VAT1L: variants seen among roughly 807,000 people sequenced by gnomAD.
VAT1L encodes the protein putative NADPH-dependent quinone oxidoreductase VAT1L.
A neutral mutation model predicts 44.1 loss-of-function variants in VAT1L; 34 were observed. The ratio of observed to expected loss-of-function variants is 0.77; its 90% CI spans 0.59 to 1.03. The LOEUF is 1.03. VAT1L is among the 50% of genes least tolerant of loss of function. The pLI, the probability that VAT1L is intolerant of heterozygous loss-of-function variation, is 0.00. For missense variants in VAT1L, 615 were observed against 538.8 expected, an observed-to-expected ratio of 1.14 and a Z score of -1.40; for synonymous variants, 253 against 202.2, an observed-to-expected ratio of 1.25 and a Z score of -2.13.
At chr16:77,844,032 C>G (rs184424307) in intron 3 of VAT1L, among the ~76,000 whole-genome samples, 2 of 152,326 alleles carry the variant, frequency 1.3e-5, no homozygotes, top group Admixed American at 1.3e-4. Flanking sequence ...ACAAAATAGT[C>G]ACTGTCCTCA....
intron 7 of VAT1L, among the ~76,000 whole-genome samples, chr16:77,927,189 T>A (rs2017679096): frequency 6.6e-6 from 1 of 151,596 alleles, no homozygotes; most frequent in Non-Finnish European, 1.5e-5. Flanking sequence ...ATACAAAAAA[T>A]TAGCCAGGTG....
chr16:77,788,757 G>T lies in VAT1L; in HGVS notation c.75G>T (p.Ala25=), dbSNP rs764569833. The T allele has an allele frequency of 2.2e-5, 34 of 1,562,328 alleles. No individual in the cohort carries two copies. The highest frequency in any genetic ancestry group is 2.1e-5 in the Non-Finnish European group (24 of 1,153,152). The change falls in exon 1 of 9, where the codon GCG becomes GCT. Residue 25 remains alanine (A), a synonymous_variant. Transcript: ENST00000302536. Reference sequence around the variant, plus strand: ...AGAAGGAGGCAGGCAAGGAGCCGGCGGAGGGCGGCGGCGGCGACGGCTCGC... The same window carrying T: ...AGAAGGAGGCAGGCAAGGAGCCGGCTGAGGGCGGCGGCGGCGACGGCTCGC... The part of the protein sequence containing the change: ...MIEKEAGKEP[A]EGGGGDGSHR...
intron 3 of VAT1L, among the ~76,000 whole-genome samples, chr16:77,826,034 A>G (rs1419146522): frequency 1.5e-5 from 1 of 66,894 alleles, no homozygotes; most frequent in Non-Finnish European, 3.3e-5. Flanking sequence ...AAAAAAAAAG[A>G]AAAAAAAAAA....
At chr16:77,914,449 A>G (rs951389277) in intron 7 of VAT1L, among the ~76,000 whole-genome samples, 3 of 152,240 alleles carry the variant, frequency 2.0e-5, no homozygotes, top group Non-Finnish European at 4.4e-5. Flanking sequence ...CATTCACACC[A>G]AAGAAATCAG....
intron 7 of VAT1L, among the ~76,000 whole-genome samples, chr16:77,916,207 G>C (rs1390187894): frequency 6.6e-6 from 1 of 152,162 alleles, no homozygotes; most frequent in Non-Finnish European, 1.5e-5. Context: ...CTGGAAGTCA[G>C]TTTGGGTTTC....
intron 3 of VAT1L, among the ~76,000 whole-genome samples, chr16:77,829,171 C>T (rs146465927): frequency 2.0e-5 from 3 of 152,292 alleles, no homozygotes; most frequent in Admixed American, 2.0e-4. Context: ...ATTCTTCAGT[C>T]CTTCATTTAA....
chr16:77,825,438 G>C lies in VAT1L; in HGVS notation c.556G>C (p.Val186Leu). 2 of 1,598,816 alleles carry C rather than the reference G, an allele frequency of 1.3e-6. No individual in the cohort carries two copies. Among genetic ancestry groups the C allele is most frequent in the Non-Finnish European group, 1.7e-6 (2 of 1,171,730 alleles). The change falls in exon 3 of 9, where the codon GTG becomes CTG. Residue 186 changes from valine (V) to leucine (L), a missense_variant. Physicochemically the swap from Val to Leu is conservative, Grantham distance 32. Coordinates refer to ENST00000302536, the MANE Select transcript of VAT1L (RefSeq NM_020927.3). ...ANLREGMSVL[V>L]HSAGGGVGQA... ...CCTCCGGGAAGGGATGTCTGTGCTC[G>C]TGCACTCAGCTGGTGGGGGCGTGGT...
intron 1 of VAT1L, among the ~76,000 whole-genome samples, chr16:77,803,417 C>CTTTTTT (rs11379202): frequency 2.6e-4 from 27 of 105,496 alleles, no homozygotes; most frequent in Middle Eastern, 6.9e-3. Flanking sequence ...ACTAGACATT[C>CTTTTTT]TTTTTTTTTT....
intron 3 of VAT1L, among the ~76,000 whole-genome samples, chr16:77,862,083 T>C (rs990937397): frequency 1.1e-4 from 16 of 152,208 alleles, no homozygotes; most frequent in African/African-American, 3.4e-4. Flanking sequence ...TTGTAAGATA[T>C]CAGTTTTTAA....
intron 7 of VAT1L, among the ~76,000 whole-genome samples, chr16:77,928,088 C>A (rs1402055406): frequency 6.6e-6 from 1 of 152,038 alleles, no homozygotes; most frequent in Non-Finnish European, 1.5e-5. Context: ...TCAAGTGGGC[C>A]ATTTTCACAG....
chr16:77,888,525 A>G, intron 7 of VAT1L, among the ~76,000 whole-genome samples: 1 of 152,260 alleles, frequency 6.6e-6, no homozygotes, highest in East Asian at 1.9e-4. Context: ...ATTTTAAAAG[A>G]TTATGTTAAG....
chr16:77,912,175 T>C (rs1358614688), intron 7 of VAT1L, among the ~76,000 whole-genome samples: 1 of 152,188 alleles, frequency 6.6e-6, no homozygotes, highest in African/African-American at 2.4e-5. Context: ...GTCCTGACTC[T>C]ACCACTTCCC....
At chr16:77,911,120 C>CA (rs1298849909) in intron 7 of VAT1L, among the ~76,000 whole-genome samples, 2 of 152,176 alleles carry the variant, frequency 1.3e-5, no homozygotes, top group Admixed American at 6.5e-5. Flanking sequence ...CCAACTGTAC[C>CA]ACCCAGTAAG....
chr16:77,807,724 G>A (rs145644682), intron 1 of VAT1L, among the ~76,000 whole-genome samples: 5 of 152,168 alleles, frequency 3.3e-5, no homozygotes, highest in African/African-American at 9.6e-5. Flanking sequence ...TACTGTGTAC[G>A]AGGTACTCTG....
In VAT1L at chr16:77,924,763, T is replaced by A. The variant is rs533342148; in HGVS notation, c.1077+39961T>A. On this transcript the variant is annotated intron_variant, in intron 7 of 8. Transcript: ENST00000302536. ...CGTGAGCCACCACGCCTGGCCCATT[T>A]ACCCTTATTTTCATATCCCCTCAAC... Among the ~76,000 whole-genome samples, 10 of 152,256 alleles carry A rather than the reference T, an allele frequency of 6.6e-5. No individual in the cohort carries two copies. The East Asian group carries it at 1.7e-3, about 27-fold the overall frequency.
chr16:77,950,447 C>T (rs2018029282), intron 7 of VAT1L, among the ~76,000 whole-genome samples: 1 of 117,000 alleles, frequency 8.5e-6, no homozygotes, highest in Non-Finnish European at 1.9e-5. Context: ...CACACACACA[C>T]ACACACACAG....
chr16:77,900,843 G>A lies in VAT1L; in HGVS notation c.1077+16041G>A, dbSNP rs182869335. ...TCCCTCTCTGACCACCACTCCCCCC[G>A]CAACCAGTTGTCATTATAAATGCCC... On this transcript the variant is annotated intron_variant, in intron 7 of 8. Coordinates refer to ENST00000302536, the MANE Select transcript of VAT1L (RefSeq NM_020927.3). Among the ~76,000 whole-genome samples, 98 of 151,936 alleles carry A rather than the reference G, an allele frequency of 6.5e-4. No homozygotes were observed. In the Middle Eastern group the frequency reaches 0.014, roughly 21 times the overall value.
At chr16:77,962,913 T>C (rs2018179674) in intron 7 of VAT1L, among the ~76,000 whole-genome samples, 1 of 152,082 alleles carries the variant, frequency 6.6e-6, no homozygotes, top group African/African-American at 2.4e-5. Context: ...GCCACTGCAC[T>C]CCAGCCGGGA....
chr16:77,929,815 A>C (rs8058686), intron 7 of VAT1L, among the ~76,000 whole-genome samples: 57,312 of 152,100 alleles, frequency 0.38, 11,174 homozygotes, highest in Non-Finnish European at 0.43. Flanking sequence ...TAAGTGGAAG[A>C]ACTGGTATCG....
Sources: allele counts gnomAD v4.1 joint callset (sites outside exome capture counted in the v4.1 genomes callset), GRCh38; gene constraint gnomAD v4.1.1; transcripts MANE v1.5; gene names NCBI Gene and HGNC (gene_info 2026-07-23, HGNC 2026-07-21).